ABLIM2: variants seen among roughly 807,000 people sequenced by gnomAD.
ABLIM2 encodes the protein actin binding LIM protein family member 2, also known as actin-binding LIM protein 2.
ABLIM2 carries 53 observed loss-of-function variants against 97.7 expected under a neutral mutation model. The observed-to-expected ratio is 0.54, with a 90% CI of 0.44 to 0.68. ABLIM2 has a LOEUF of 0.68. Among genes scored for constraint, ABLIM2 ranks in the 30% least tolerant of loss-of-function variants. The probability of loss-of-function intolerance (pLI) is 0.00; values close to 1 mark genes in which losing one functional copy is unlikely to be tolerated. For missense variants in ABLIM2, 835 were observed against 867.2 expected (o/e 0.96, Z 0.47); for synonymous variants, 361 against 345.8 (o/e 1.04, Z -0.49).
rs1293411229 is a variant in ABLIM2, at chr4:8,072,043, C to T, written c.675+5585G>A. On this transcript the variant is annotated intron_variant, in intron 6 of 20. Transcript: ENST00000447017. The surrounding 1 kb of genome is among the most constrained non-coding windows in gnomAD (Gnocchi z 5.8). ...CCACCTTGCACCCGGGGAGGATGCT[C>T]AGAGCTGTGCAGAGCCCGCCGACTC... 8 of 985,288 alleles carry T rather than the reference C, an allele frequency of 8.1e-6. No homozygotes were observed. Among genetic ancestry groups the T allele is most frequent in the Non-Finnish European group, 9.6e-6 (8 of 829,948 alleles). 61.0% of individuals were successfully genotyped at this position (985,288 alleles called of 1,614,324 possible).
intron 14 of ABLIM2, among the ~76,000 whole-genome samples, chr4:8,018,485 C>T (rs559788640): frequency 1.3e-5 from 2 of 152,314 alleles, no homozygotes; most frequent in African/African-American, 2.4e-5. Context: ...TCATGCTCTA[C>T]GCTTCTCTGG....
In ABLIM2 at chr4:8,068,349, G is replaced by T. The variant is rs1490020680; in HGVS notation, c.676-7295C>A. On this transcript the variant is annotated intron_variant, in intron 6 of 20. Coordinates refer to ENST00000447017, the MANE Select transcript of ABLIM2 (RefSeq NM_001130083.2). This position sits in a 1 kb window ranked among gnomAD's most constrained non-coding sequence, Gnocchi z 4.5. ...TAAGGCAGAACGAGGTGCCAGGGAA[G>T]CACACCCACAGCCTGTGGTGGCTCA... Among the ~76,000 whole-genome samples the T allele has an allele frequency of 6.6e-6, 1 of 152,344 alleles. No homozygotes were observed. Among genetic ancestry groups the T allele is most frequent in the East Asian group, 1.9e-4 (1 of 5,186 alleles).
At chr4:7,975,394 C>T (rs1246591742) in intron 20 of ABLIM2, among the ~76,000 whole-genome samples, 3 of 152,192 alleles carry the variant, frequency 2.0e-5, no homozygotes, top group Non-Finnish European at 4.4e-5. Context: ...GGACAGCCCT[C>T]CCAGAGTGGA....
chr4:8,017,319 G>C (rs1239386763), intron 14 of ABLIM2, among the ~76,000 whole-genome samples: 3 of 150,174 alleles, frequency 2.0e-5, no homozygotes, highest in Non-Finnish European at 4.4e-5. Context: ...TTTTCAGAGA[G>C]AGTCTCACTC....
chr4:8,079,769 T>A (rs1561228647), intron 5 of ABLIM2, among the ~76,000 whole-genome samples: 1 of 152,188 alleles, frequency 6.6e-6, no homozygotes, highest in Non-Finnish European at 1.5e-5. Context: ...TGCGTGTGTG[T>A]GTGTGTGCGC....
In ABLIM2 at chr4:8,155,943, C is replaced by T. The variant is rs1430022436; in HGVS notation, c.10+2737G>A. Among the ~76,000 whole-genome samples, 1 of 152,172 alleles carries T rather than the reference C, an allele frequency of 6.6e-6. No individual in the cohort carries two copies. ...TTGGAAGGAAGTAACCCAGCTGACA[C>T]CTTGATCTCAGACTTCTGGCCTCTA... On this transcript the variant is annotated intron_variant, in intron 1 of 20. Coordinates refer to ENST00000447017, the MANE Select transcript of ABLIM2 (RefSeq NM_001130083.2). The surrounding 1 kb of genome is among the most constrained non-coding windows in gnomAD (Gnocchi z 4.2).
rs537688382 is a variant in ABLIM2 at position 8,127,491 on chromosome 4, G to A, written c.11-20854C>T. 2.3e-6 allele frequency: 3 copies of A among 1,289,454 alleles called. No homozygotes were observed. The highest frequency in any genetic ancestry group is 5.6e-5 in the East Asian group (1 of 18,018). The allele number at this position is 1,289,454 out of a possible 1,614,324, so 79.9% of individuals were successfully genotyped here. On this transcript the variant is annotated intron_variant, in intron 1 of 20. Transcript: ENST00000447017. The surrounding 1 kb of genome is among the most constrained non-coding windows in gnomAD (Gnocchi z 7.3). Reference sequence around the variant, plus strand: ...TCCCAGTCCCCTGAAGCTGACTCATGGAGCTCACGGCTCCCAGCCGGATGG... The same window carrying A: ...TCCCAGTCCCCTGAAGCTGACTCATAGAGCTCACGGCTCCCAGCCGGATGG...
chr4:8,127,592 G>T lies in ABLIM2; in HGVS notation c.11-20955C>A, dbSNP rs1848588506. 2 of 1,289,590 alleles carry T rather than the reference G, an allele frequency of 1.6e-6. No homozygotes were observed. Among genetic ancestry groups the T allele is most frequent in the South Asian group, 1.2e-5 (1 of 81,028 alleles). 79.9% of individuals were successfully genotyped at this position (1,289,590 alleles called of 1,614,324 possible). A position where few individuals can be genotyped will look rare whatever the true frequency, so the allele number is the denominator to read the frequency against. ...CCCATGGAGCGTGGCTGCTTGCAAA[G>T]GGCCAGCGGGTCGGCGGCTCTCCCT... On this transcript the variant is annotated intron_variant, in intron 1 of 20. Coordinates refer to ENST00000447017, the MANE Select transcript of ABLIM2 (RefSeq NM_001130083.2). This position sits in a 1 kb window ranked among gnomAD's most constrained non-coding sequence, Gnocchi z 7.3.
chr4:8,099,486 T>C (rs1833406846), intron 2 of ABLIM2, among the ~76,000 whole-genome samples: 1 of 152,174 alleles, frequency 6.6e-6, no homozygotes, highest in Non-Finnish European at 1.5e-5. Context: ...CCAGCCGTTA[T>C]CTGGGAGGTT....
rs1219212646 is a variant in ABLIM2 at position 8,075,678 on chromosome 4, T to G, written c.675+1950A>C. Among the ~76,000 whole-genome samples, 1 of 152,010 alleles carries G rather than the reference T, an allele frequency of 6.6e-6. No homozygotes were observed. Among genetic ancestry groups the G allele is most frequent in the Non-Finnish European group, 1.5e-5 (1 of 68,008 alleles). On this transcript the variant is annotated intron_variant, in intron 6 of 20. Coordinates refer to ENST00000447017, the MANE Select transcript of ABLIM2 (RefSeq NM_001130083.2). This position sits in a 1 kb window ranked among gnomAD's most constrained non-coding sequence, Gnocchi z 4.4. ...CCGCACTCCAGCCTGGGCAACTGAG[T>G]GAGAACCTCTCCAAAAAAAGAAAAA...
intron 18 of ABLIM2, 146 bp from the exon 19 acceptor site, chr4:7,983,700 G>T: frequency 9.8e-7 from 1 of 1,022,042 alleles, no homozygotes; most frequent in Non-Finnish European, 1.5e-6. Context: ...AGCCTGCACT[G>T]AGGCCCTAAT....
chr4:8,071,392 G>T lies in ABLIM2; in HGVS notation c.675+6236C>A, dbSNP rs1200717227. 6.6e-6 allele frequency among the ~76,000 whole-genome samples: 1 copy of T among 152,194 alleles called. No homozygotes were observed. Among genetic ancestry groups the T allele is most frequent in the Non-Finnish European group, 1.5e-5 (1 of 68,030 alleles). ...GGGATGCAGGCCAACATGCATGAGG[G>T]TGCTGCACGTTTAGGAGAAACTGAG... On this transcript the variant is annotated intron_variant, in intron 6 of 20. Coordinates refer to ENST00000447017, the MANE Select transcript of ABLIM2 (RefSeq NM_001130083.2). The surrounding 1 kb of genome is among the most constrained non-coding windows in gnomAD (Gnocchi z 6.2).
rs867556614 is a variant in ABLIM2 at position 8,032,924 on chromosome 4, G to A, written c.1048-3148C>T. Among the ~76,000 whole-genome samples the A allele has an allele frequency of 6.6e-6, 1 of 152,132 alleles. No homozygotes were observed. Among genetic ancestry groups the A allele is most frequent in the Non-Finnish European group, 1.5e-5 (1 of 68,024 alleles). On this transcript the variant is annotated intron_variant, in intron 10 of 20. Coordinates refer to ENST00000447017, the MANE Select transcript of ABLIM2 (RefSeq NM_001130083.2). The surrounding 1 kb of genome is among the most constrained non-coding windows in gnomAD (Gnocchi z 4.3). ...GGGGAAACTGATTTCGTGCCAATGA[G>A]CCCAGAGCTTGTCTCTACCTGGCCA... is the stretch of plus-strand genomic sequence containing the variant.
chr4:7,976,543 C>T (rs889119377), intron 20 of ABLIM2, among the ~76,000 whole-genome samples: 1 of 152,208 alleles, frequency 6.6e-6, no homozygotes, highest in African/African-American at 2.4e-5. Context: ...CAGGTCCAGA[C>T]ACCTCAGCTT....
rs141303677 is a variant in ABLIM2 at position 8,145,826 on chromosome 4, C to T, written c.10+12854G>A. On this transcript the variant is annotated intron_variant, in intron 1 of 20. Transcript: ENST00000447017. ...GCTTGTAACATGTCAATACCGCTCACAGCCCTAGCTCAACAGTGAAAGTCC... is the reference window on the plus strand; with the variant it reads ...GCTTGTAACATGTCAATACCGCTCATAGCCCTAGCTCAACAGTGAAAGTCC... 1.9e-3 allele frequency among the ~76,000 whole-genome samples: 292 copies of T among 151,832 alleles called. 2 individuals are homozygous for T. Among genetic ancestry groups the T allele is most frequent in the African/African-American group, 6.3e-3 (259 of 41,336 alleles).
rs1846232346 is a variant in ABLIM2 at position 8,123,161 on chromosome 4, T to G, written c.11-16524A>C. ...CGGGTCTGGACTCCTTAATCCTAATTGCGGTCCTCAGAGCATTCTTCCCTG... is the reference window on the plus strand; with the variant it reads ...CGGGTCTGGACTCCTTAATCCTAATGGCGGTCCTCAGAGCATTCTTCCCTG... On this transcript the variant is annotated intron_variant, in intron 1 of 20. Coordinates refer to ENST00000447017, the MANE Select transcript of ABLIM2 (RefSeq NM_001130083.2). The surrounding 1 kb of genome is among the most constrained non-coding windows in gnomAD (Gnocchi z 6.2). 6.6e-6 allele frequency among the ~76,000 whole-genome samples: 1 copy of G among 152,152 alleles called. No homozygotes were observed. Among genetic ancestry groups the G allele is most frequent in the Non-Finnish European group, 1.5e-5 (1 of 68,026 alleles).
chr4:8,091,208 G>C (rs1827161597), intron 3 of ABLIM2, among the ~76,000 whole-genome samples: 1 of 139,488 alleles, frequency 7.2e-6, no homozygotes, highest in South Asian at 2.2e-4. Flanking sequence ...GTTTTCATTT[G>C]CATACCCCTG....
intron 20 of ABLIM2, among the ~76,000 whole-genome samples, chr4:7,981,715 C>T (rs928790400): frequency 2.0e-5 from 3 of 152,198 alleles, no homozygotes; most frequent in Admixed American, 6.5e-5. Context: ...CTCCCTGTAC[C>T]GAGGGAGTGC....
Position 8,095,659 on chromosome 4 carries a change from G to A in ABLIM2, c.338+1440C>T, listed in dbSNP as rs569301189. Among the ~76,000 whole-genome samples, 13 of 152,234 alleles carry A rather than the reference G, an allele frequency of 8.5e-5. No individual in the cohort carries two copies. In the South Asian group the frequency reaches 1.0e-3, roughly 12 times the overall value. On this transcript the variant is annotated intron_variant, in intron 3 of 20. Coordinates refer to ENST00000447017, the MANE Select transcript of ABLIM2 (RefSeq NM_001130083.2). The surrounding 1 kb of genome is among the most constrained non-coding windows in gnomAD (Gnocchi z 4.7). ...TTGGCCTCCCGAGGTGCTGGATTAC[G>A]GGTGTGAGCCTCCGCGCCCAGCCAG...
Sources: gnomAD v4.1 joint callset for allele counts (sites outside exome capture counted in the v4.1 genomes callset) on GRCh38, gnomAD v4.1.1 for gene constraint, Gnocchi (gnomAD v3.1) non-coding constraint, MANE v1.5 for transcripts, NCBI Gene and HGNC (gene_info 2026-07-23, HGNC 2026-07-21) for gene names.